Variants in CEP128 observed in about 807,000 individuals in gnomAD.
CEP128 encodes centrosomal protein 128kDa.
In CEP128, 132 loss-of-function variants were observed where a neutral mutation model predicts 156.7. The ratio of observed to expected loss-of-function variants is 0.84; its 90% CI spans 0.73 to 0.97. The LOEUF (loss-of-function observed/expected upper bound fraction) is 0.97. Among genes scored for constraint, CEP128 ranks in the 50% least tolerant of loss-of-function variants. CEP128 has a pLI of 0.00. For missense variants in CEP128, 1,252 were observed against 1,281.9 expected (o/e 0.98, Z 0.36); for synonymous variants, 469 against 448.9 (o/e 1.04, Z -0.57).
intron 9 of CEP128, among the ~76,000 whole-genome samples, chr14:80,853,393 A>C (rs1400345327): frequency 6.6e-6 from 1 of 151,962 alleles, no homozygotes; most frequent in Non-Finnish European, 1.5e-5. Context: ...ATAGTATGTC[A>C]GTAAAGCTAT....
At chr14:80,870,371 C>T (rs563487308) in intron 8 of CEP128, among the ~76,000 whole-genome samples, 2 of 152,144 alleles carry the variant, frequency 1.3e-5, no homozygotes, top group Non-Finnish European at 2.9e-5. Flanking sequence ...TTCAGTAGCA[C>T]ATTAAAAGAA....
intron 19 of CEP128, among the ~76,000 whole-genome samples, chr14:80,663,538 T>C (rs764965374): frequency 6.6e-6 from 1 of 152,154 alleles, no homozygotes; most frequent in Non-Finnish European, 1.5e-5. Flanking sequence ...CTTCCGATAA[T>C]AATAATAACC....
intron 20 of CEP128, among the ~76,000 whole-genome samples, chr14:80,566,854 GA>G (rs11390467): frequency 4.3e-5 from 6 of 138,974 alleles, no homozygotes; most frequent in Middle Eastern, 3.9e-3. Flanking sequence ...ACATATTGAA[GA>G]AAAAAAAAAC....
At chr14:80,588,737 A>C (rs1891923412) in intron 19 of CEP128, among the ~76,000 whole-genome samples, 1 of 152,082 alleles carries the variant, frequency 6.6e-6, no homozygotes, top group South Asian at 2.1e-4. Flanking sequence ...GCATCTTACA[A>C]ATCCTTTCCT....
chr14:80,605,501 T>G (rs565344320), intron 19 of CEP128, among the ~76,000 whole-genome samples: 1 of 152,246 alleles, frequency 6.6e-6, no homozygotes, highest in Admixed American at 6.5e-5. Context: ...CTTCCCTTTT[T>G]GTTCTTCAAA....
Position 80,895,773 on chromosome 14 carries a change from T to G in CEP128, c.590A>C (p.Lys197Thr), listed in dbSNP as rs370659146. ...SRRSRSDAETKRALEELTEKL... is the reference protein window; with the variant it reads ...SRRSRSDAETTRALEELTEKL... ...TTCAGTCAATTCTTCCAAAGCCCTTTTTGTTTCGGCATCTGACCTAGGAAG... is the reference window on the plus strand; with the variant it reads ...TTCAGTCAATTCTTCCAAAGCCCTTGTTGTTTCGGCATCTGACCTAGGAAG... The change falls in exon 8 of 25, where the codon AAA (lysine) becomes ACA (threonine). Residue 197 changes from lysine (K) to threonine (T), a missense_variant. By Grantham distance (78) the Lys-to-Thr change is moderately conservative. Transcript: ENST00000555265. The G allele has an allele frequency of 4.2e-5, 66 of 1,561,822 alleles. No homozygotes were observed. The highest frequency in any genetic ancestry group is 5.2e-5 in the Non-Finnish European group (60 of 1,153,846).
At chr14:80,851,018 C>T (rs1345249920) in intron 9 of CEP128, among the ~76,000 whole-genome samples, 3 of 152,086 alleles carry the variant, frequency 2.0e-5, no homozygotes, top group African/African-American at 7.2e-5. Flanking sequence ...TTAACTTTTA[C>T]TTTCTGTCTT....
At chr14:80,584,546 G>A (rs977287002) in intron 19 of CEP128, among the ~76,000 whole-genome samples, 2 of 152,068 alleles carry the variant, frequency 1.3e-5, no homozygotes, top group Non-Finnish European at 1.5e-5. Flanking sequence ...CACCATTGCT[G>A]TATGCCACTG....
intron 19 of CEP128, among the ~76,000 whole-genome samples, chr14:80,655,639 T>C (rs1895098144): frequency 6.6e-6 from 1 of 152,150 alleles, no homozygotes; most frequent in Non-Finnish European, 1.5e-5. Flanking sequence ...TGACTGAAGC[T>C]GAGTTAAGGA....
intron 21 of CEP128, among the ~76,000 whole-genome samples, chr14:80,539,730 T>C (rs995412685): frequency 6.6e-6 from 1 of 151,480 alleles, no homozygotes; most frequent in Non-Finnish European, 1.5e-5. Context: ...ATTTTTCTTC[T>C]TGCAGAGAGC....
At chr14:80,503,912 C>T (rs1236013891) in intron 24 of CEP128, among the ~76,000 whole-genome samples, 1 of 152,066 alleles carries the variant, frequency 6.6e-6, no homozygotes, top group African/African-American at 2.4e-5. Flanking sequence ...AATATTTATT[C>T]AATGAATCCA....
At chr14:80,899,163 T>C (rs1024573423) in intron 7 of CEP128, among the ~76,000 whole-genome samples, 1 of 152,204 alleles carries the variant, frequency 6.6e-6, no homozygotes, top group Non-Finnish European at 1.5e-5. Flanking sequence ...TTGATATTCA[T>C]AGATTTAACA....
intron 19 of CEP128, among the ~76,000 whole-genome samples, chr14:80,637,094 A>G (rs1894216362): frequency 7.5e-6 from 1 of 133,536 alleles, no homozygotes; most frequent in Non-Finnish European, 1.5e-5. Context: ...CTTTAAAAAA[A>G]AAAAAAAGAA....
At chr14:80,529,625 TTGGA>T (rs1889134689) in intron 22 of CEP128, among the ~76,000 whole-genome samples, 1 of 152,332 alleles carries the variant, frequency 6.6e-6, no homozygotes, top group African/African-American at 2.4e-5. Flanking sequence ...CTTCATTTAC[TTGGA>T]TAATTTAGTT....
intron 19 of CEP128, among the ~76,000 whole-genome samples, chr14:80,658,612 G>A (rs1319212165): frequency 6.6e-6 from 1 of 152,112 alleles, no homozygotes; most frequent in Non-Finnish European, 1.5e-5. Flanking sequence ...AGATGCCAAG[G>A]CTCAAATAAA....
chr14:80,527,833 T>TA (rs753876359), intron 22 of CEP128, among the ~76,000 whole-genome samples: 12 of 152,004 alleles, frequency 7.9e-5, no homozygotes, highest in Non-Finnish European at 1.5e-4. Context: ...ATTCAGGTAA[T>TA]AAAAAAAATT....
intron 13 of CEP128, chr14:80,830,587 T>C (rs1240443538): frequency 5.5e-6 from 1 of 181,472 alleles, no homozygotes; most frequent in Admixed American, 5.8e-5. Flanking sequence ...CTATGCTAGA[T>C]AAAAGCAGGA....
intron 19 of CEP128, among the ~76,000 whole-genome samples, chr14:80,581,092 C>G (rs973565180): frequency 6.6e-6 from 1 of 152,180 alleles, no homozygotes; most frequent in Non-Finnish European, 1.5e-5. Context: ...TGCATGTATA[C>G]AGCCATGGTG....
At chr14:80,596,504 A>G (rs2140508575) in intron 19 of CEP128, among the ~76,000 whole-genome samples, 1 of 152,220 alleles carries the variant, frequency 6.6e-6, no homozygotes, top group African/African-American at 2.4e-5. Context: ...TAAAAATACC[A>G]GGAATTGGAT....
Sources: gnomAD v4.1 joint callset for allele counts (sites outside exome capture counted in the v4.1 genomes callset) on GRCh38, gnomAD v4.1.1 for gene constraint, MANE v1.5 for transcripts, NCBI Gene and HGNC (gene_info 2026-07-23, HGNC 2026-07-21) for gene names.